SELENOO: variants seen among roughly 807,000 people sequenced by gnomAD.
SELENOO encodes the protein protein adenylyltransferase SelO, mitochondrial.
SELENOO carries 74 observed loss-of-function variants against 58.7 expected under a neutral mutation model. The observed-to-expected ratio is 1.26, with a 90% CI of 1.04 to 1.53. The LOEUF (loss-of-function observed/expected upper bound fraction) is 1.53. Among genes scored for constraint, SELENOO ranks in the 40% most tolerant of loss-of-function variants. SELENOO has a pLI of 0.00. For synonymous variants in SELENOO, 543 were observed against 453.2 expected (o/e 1.20, Z -2.52); for missense variants, 1,149 against 970.0 (o/e 1.18, Z -2.45).
intron 3 of SELENOO, 66 bp downstream of exon 3, chr22:50,208,782 C>T (rs2064349359): frequency 1.3e-6 from 2 of 1,488,986 alleles, no homozygotes; most frequent in South Asian, 1.2e-5. Context: ...GTGTTGAAGA[C>T]ACCCTCATTT....
At chr22:50,201,966 C>G (rs2064304702) in intron 1 of SELENOO, among the ~76,000 whole-genome samples, 1 of 152,224 alleles carries the variant, frequency 6.6e-6, no homozygotes, top group Non-Finnish European at 1.5e-5. Flanking sequence ...TCACGGAGGC[C>G]TGGCCCTGAC....
chr22:50,215,934 C>A, intron 6 of SELENOO, 67 bp downstream of exon 6: 2 of 1,425,830 alleles, frequency 1.4e-6, no homozygotes, highest in Non-Finnish European at 1.9e-6. Flanking sequence ...GAAACAGAGG[C>A]TGGGGGAGAA....
At chr22:50,216,608 C>T (rs777940010) in intron 6 of SELENOO, 83 bp from the exon 7 acceptor site, 154 of 1,304,784 alleles carry the variant, frequency 1.2e-4, no homozygotes, top group Non-Finnish European at 1.5e-4. Flanking sequence ...GCCGTGAGAG[C>T]GGGCTGGGGC....
At chr22:50,203,920 G>A (rs1178661564) in intron 1 of SELENOO, among the ~76,000 whole-genome samples, 4 of 152,130 alleles carry the variant, frequency 2.6e-5, no homozygotes. Flanking sequence ...AGAATGGGAG[G>A]AAACATTTGC....
At chr22:50,207,208 C>T (rs939162047) in intron 2 of SELENOO, among the ~76,000 whole-genome samples, 4 of 152,110 alleles carry the variant, frequency 2.6e-5, no homozygotes, top group South Asian at 2.1e-4. Context: ...GTGCAACCTC[C>T]GCCTCCCGGG....
rs982968985 is a variant in SELENOO, at chr22:50,210,532, A to C, written c.1071-99A>C. The C allele has an allele frequency of 1.8e-5, 28 of 1,558,566 alleles. No homozygotes were observed. In the African/African-American group the frequency reaches 3.5e-4, roughly 20 times the overall value. Reference sequence around the variant, plus strand: ...GGGACAGGGCCAGAGAGCCACGGCCACTTGGGACCTTCCCCTGGGCCTCCC... The same window carrying C: ...GGGACAGGGCCAGAGAGCCACGGCCCCTTGGGACCTTCCCCTGGGCCTCCC... On this transcript the variant is annotated intron_variant, in intron 4 of 8. Coordinates refer to ENST00000380903, the MANE Select transcript of SELENOO (RefSeq NM_031454.2).
intron 5 of SELENOO, among the ~76,000 whole-genome samples, chr22:50,214,609 A>G (rs12330120): frequency 9.3e-4 from 142 of 152,120 alleles, no homozygotes; most frequent in African/African-American, 3.3e-3. Flanking sequence ...ATCTCAAAAA[A>G]CAAAAATTAG....
rs772756822 is a variant in SELENOO, at chr22:50,201,064, G to C, written c.28G>C (p.Ala10Pro). Residue 10 changes from alanine to proline, a missense_variant, in exon 1 of 9, where the codon GCT becomes CCT. Coordinates refer to ENST00000380903, the MANE Select transcript of SELENOO (RefSeq NM_031454.2). ...GGCCGTATACAGGGCAGCGCTCGGG[G>C]CTTCGCTCGCGGCTGCCCGACTCTT... MAVYRAALGASLAAARLLPL... is the reference protein window; with the variant it reads MAVYRAALGPSLAAARLLPL... 6 of 1,358,224 alleles carry C rather than the reference G, an allele frequency of 4.4e-6. No individual in the cohort carries two copies. In the South Asian group the frequency reaches 5.3e-5, roughly 12 times the overall value. The allele number at this position is 1,358,224 out of a possible 1,614,324, so 84.1% of individuals were successfully genotyped here. A position where few individuals can be genotyped will look rare whatever the true frequency, so the allele number is the denominator to read the frequency against.
Position 50,216,784 on chromosome 22 carries a change from T to TGTGGAGCAGCAGTCTCGG in SELENOO, c.1597_1614dup (p.Val533_Arg538dup). The TGTGGAGCAGCAGTCTCGG allele has an allele frequency of 6.2e-7, 1 of 1,608,974 alleles. No individual in the cohort carries two copies. ...CAGGCATCGCCAGGGAGCTGGAGCGTGTGGAGCAGCAGTCTCGGCTGGAGC... is the reference window on the plus strand; with the variant it reads ...CAGGCATCGCCAGGGAGCTGGAGCGTGTGGAGCAGCAGTCTCGGGTGGAGCAGCAGTCTCGGCTGGAGC... On this transcript the variant is annotated inframe_insertion, in exon 7 of 9. Coordinates refer to ENST00000380903, the MANE Select transcript of SELENOO (RefSeq NM_031454.2).
rs775166076 is a variant in SELENOO at position 50,210,641 on chromosome 22, G to A, written c.1081G>A (p.Asp361Asn). 6.2e-6 allele frequency: 10 copies of A among 1,612,668 alleles called. No homozygotes were observed. Among genetic ancestry groups the A allele is most frequent in the South Asian group, 3.3e-5 (3 of 91,060 alleles). The stretch of plus-strand genomic sequence containing the variant: ...TGCCCCGTGTGGCAGGTACGACCCC[G>A]ACCACGTGTGCAATGCCTCCGACAA... ...PFGFLDRYDP[D>N]HVCNASDNTG... is the part of the protein sequence containing the mutation. The change falls in exon 5 of 9, where the codon GAC becomes AAC. Residue 361 changes from aspartate (D) to asparagine (N), a missense_variant. Transcript: ENST00000380903.
intron 1 of SELENOO, chr22:50,206,028 G>T: frequency 2.0e-6 from 1 of 499,672 alleles, no homozygotes; most frequent in Non-Finnish European, 3.7e-6. Flanking sequence ...ACACAGTCCT[G>T]GCTTCTGCTG....
At chr22:50,206,543 C>T (rs1822270460) in intron 2 of SELENOO, 23 bp downstream of exon 2, 1 of 1,590,678 alleles carries the variant, frequency 6.3e-7, no homozygotes, top group Admixed American at 1.7e-5. Context: ...GCCTTTCGGC[C>T]TGTCTACACG....
In SELENOO at chr22:50,216,780, A is replaced by T. The variant is rs752550914; in HGVS notation, c.1592A>T (p.Glu531Val). ...CGGGCAGGCATCGCCAGGGAGCTGG[A>T]GCGTGTGGAGCAGCAGTCTCGGCTG... ...GTRAGIAREL[E>V]RVEQQSRLEQ... The change falls in exon 7 of 9, where the codon GAG (glutamate) becomes GTG (valine). Residue 531 changes from glutamate to valine, a missense_variant. Coordinates refer to ENST00000380903, the MANE Select transcript of SELENOO (RefSeq NM_031454.2). 6.2e-7 allele frequency: 1 copy of T among 1,609,016 alleles called. No individual in the cohort carries two copies. Among genetic ancestry groups the T allele is most frequent in the South Asian group, 1.1e-5 (1 of 90,956 alleles).
Position 50,216,675 on chromosome 22 carries a change from C to G in SELENOO, c.1503-16C>G, listed in dbSNP as rs769685127. 2.0e-5 allele frequency: 32 copies of G among 1,570,276 alleles called. No homozygotes were observed. The highest frequency in any genetic ancestry group is 2.1e-5 in the Non-Finnish European group (25 of 1,163,108). ...CGGTCAGGGGCTACCTCCCAGACAC[C>G]CTGGCCTCTCCACAGGCAGCTATCC... On this transcript the variant is annotated splice_polypyrimidine_tract_variant and intron_variant, in intron 6 of 8. Coordinates refer to ENST00000380903, the MANE Select transcript of SELENOO (RefSeq NM_031454.2).
chr22:50,215,082 T>C (rs1468012205), intron 5 of SELENOO, among the ~76,000 whole-genome samples: 1 of 152,186 alleles, frequency 6.6e-6, no homozygotes, highest in Non-Finnish European at 1.5e-5. Context: ...GACTCCCTTC[T>C]CATTTTGTTT....
At position 50,210,745 on chromosome 22, in the gene SELENOO, G is replaced by A. The variant is rs746726434; in HGVS notation, c.1185G>A (p.Pro395=). Residue 395 remains proline, a synonymous_variant, in exon 5 of 9, where the codon CCG becomes CCA. Transcript: ENST00000380903. The stretch of plus-strand genomic sequence containing the variant: ...GGAAGCTGGCCGAGGCCCTGCAGCC[G>A]GAACTGCCCCTGGAGCTGGGGGAGG... ...NLRKLAEALQ[P]ELPLELGEAI... is the part of the protein sequence containing the mutation. 26 of 1,613,550 alleles carry A rather than the reference G, an allele frequency of 1.6e-5. No homozygotes were observed. Among genetic ancestry groups the A allele is most frequent in the South Asian group, 4.4e-5 (4 of 91,084 alleles).
intron 3 of SELENOO, among the ~76,000 whole-genome samples, chr22:50,208,946 C>T (rs760743): frequency 0.41 from 62,309 of 152,064 alleles, 12,811 homozygotes; most frequent in African/African-American, 0.45. Context: ...TGCTCTCCTA[C>T]TGGTATCCCT....
intron 3 of SELENOO, 56 bp downstream of exon 3, chr22:50,208,772 G>A: frequency 2.0e-6 from 3 of 1,527,288 alleles, no homozygotes; most frequent in Non-Finnish European, 1.8e-6. Context: ...GTCCCCACCT[G>A]TGTTGAAGAC....
intron 2 of SELENOO, among the ~76,000 whole-genome samples, chr22:50,206,797 C>G (rs1179397481): frequency 6.6e-6 from 1 of 152,192 alleles, no homozygotes; most frequent in Non-Finnish European, 1.5e-5. Context: ...CTCGTTGCAG[C>G]CAGAGATGGC....
Sources: allele counts gnomAD v4.1 joint callset (sites outside exome capture counted in the v4.1 genomes callset), GRCh38; gene constraint gnomAD v4.1.1; transcripts MANE v1.5; gene names NCBI Gene and HGNC (gene_info 2026-07-23, HGNC 2026-07-21).